Variants in CLYBL observed in about 807,000 individuals in gnomAD.
The protein encoded by CLYBL is citramalyl-CoA lyase.
CLYBL carries 31 observed loss-of-function variants against 38.9 expected under a neutral mutation model. The observed-to-expected ratio is 0.80, with a 90% CI of 0.60 to 1.08. CLYBL has a LOEUF of 1.08. Among genes scored for constraint, CLYBL ranks in the 50% least tolerant of loss-of-function variants. The pLI is 0.00. For missense variants in CLYBL, 434 were observed against 411.6 expected (o/e 1.05, Z -0.47); for synonymous variants, 171 against 158.6 (o/e 1.08, Z -0.59).
At chr13:99,781,878 G>C (rs1266014021) in intron 2 of CLYBL, among the ~76,000 whole-genome samples, 1 of 152,150 alleles carries the variant, frequency 6.6e-6, no homozygotes, top group African/African-American at 2.4e-5. Flanking sequence ...TACTAAGCAC[G>C]CTTAACAATG....
At chr13:99,749,525 T>C (rs1434580844) in intron 1 of CLYBL, among the ~76,000 whole-genome samples, 1 of 152,210 alleles carries the variant, frequency 6.6e-6, no homozygotes, top group Non-Finnish European at 1.5e-5. Flanking sequence ...TCCTGTACCC[T>C]GAGTCCTTCC....
chr13:99,621,256 G>A (rs2046791974), intron 1 of CLYBL, among the ~76,000 whole-genome samples: 1 of 152,082 alleles, frequency 6.6e-6, no homozygotes, highest in African/African-American at 2.4e-5. Flanking sequence ...GCCCCTTAGT[G>A]TGGCATGTAC....
intron 1 of CLYBL, among the ~76,000 whole-genome samples, chr13:99,742,078 C>T (rs1019576116): frequency 2.0e-5 from 3 of 152,174 alleles, no homozygotes; most frequent in African/African-American, 7.2e-5. Flanking sequence ...CAATGAGACC[C>T]TGACATGTTC....
chr13:99,653,829 G>C (rs2047289879), intron 1 of CLYBL, among the ~76,000 whole-genome samples: 1 of 152,124 alleles, frequency 6.6e-6, no homozygotes, highest in Non-Finnish European at 1.5e-5. Flanking sequence ...TGGGTATGAT[G>C]GGCTGGACAT....
chr13:99,766,369 C>A (rs140971544), intron 1 of CLYBL, among the ~76,000 whole-genome samples: 5 of 152,202 alleles, frequency 3.3e-5, no homozygotes, highest in Middle Eastern at 3.4e-3. Flanking sequence ...TGCTTGATTT[C>A]TTTTTATTAT....
chr13:99,683,073 A>ATGTTT (rs1269338511), intron 1 of CLYBL, among the ~76,000 whole-genome samples: 24 of 146,354 alleles, frequency 1.6e-4, no homozygotes, highest in Admixed American at 8.4e-4. Flanking sequence ...ATATATATAT[A>ATGTTT]TGTTTTGTTT....
chr13:99,717,436 GAAAAAAA>G (rs1172721313), intron 1 of CLYBL, among the ~76,000 whole-genome samples: 4 of 91,080 alleles, frequency 4.4e-5, no homozygotes, highest in African/African-American at 7.9e-5. Flanking sequence ...AAAAAAATTA[GAAAAAAA>G]AAAAAAAAAA....
intron 3 of CLYBL, among the ~76,000 whole-genome samples, chr13:99,862,551 G>A (rs1297801601): frequency 1.3e-5 from 2 of 152,328 alleles, no homozygotes; most frequent in African/African-American, 2.4e-5. Flanking sequence ...TGGACTCCAC[G>A]TAGAAGGCTG....
At chr13:99,748,639 C>T (rs1009261227) in intron 1 of CLYBL, among the ~76,000 whole-genome samples, 2 of 150,790 alleles carry the variant, frequency 1.3e-5, no homozygotes, top group African/African-American at 4.9e-5. Context: ...TGGGGTTTCA[C>T]CATGTTGGCC....
intron 3 of CLYBL, among the ~76,000 whole-genome samples, chr13:99,860,068 G>A (rs1243319104): frequency 6.6e-6 from 1 of 152,106 alleles, no homozygotes; most frequent in Non-Finnish European, 1.5e-5. Context: ...GTTGCCCAGT[G>A]CCACGGCCAC....
intron 2 of CLYBL, among the ~76,000 whole-genome samples, chr13:99,790,414 A>G (rs537865450): frequency 1.3e-5 from 2 of 152,062 alleles, no homozygotes; most frequent in Non-Finnish European, 2.9e-5. Flanking sequence ...ATCTCTCAGC[A>G]TTTGCCTGTC....
chr13:99,685,621 G>GTGGATA (rs1434744774), intron 1 of CLYBL, among the ~76,000 whole-genome samples: 1 of 152,134 alleles, frequency 6.6e-6, no homozygotes, highest in Admixed American at 6.5e-5. Flanking sequence ...TTTGTTCCCA[G>GTGGATA]TGGATAAGAG....
At chr13:99,768,439 C>T (rs2049313520) in intron 1 of CLYBL, among the ~76,000 whole-genome samples, 1 of 150,408 alleles carries the variant, frequency 6.6e-6, no homozygotes, top group Non-Finnish European at 1.5e-5. Flanking sequence ...GTGATCTGCC[C>T]ACCTCAGCCT....
At chr13:99,740,150 A>T (rs2048728690) in intron 1 of CLYBL, among the ~76,000 whole-genome samples, 1 of 152,178 alleles carries the variant, frequency 6.6e-6, no homozygotes, top group South Asian at 2.1e-4. Flanking sequence ...AATGCTTCAA[A>T]CTTAAAGAAA....
chr13:99,705,242 T>G (rs188732674), intron 1 of CLYBL, among the ~76,000 whole-genome samples: 1 of 149,896 alleles, frequency 6.7e-6, no homozygotes, highest in Non-Finnish European at 1.5e-5. Flanking sequence ...GGTGTACACA[T>G]GCACACACAC....
intron 1 of CLYBL, among the ~76,000 whole-genome samples, chr13:99,754,520 G>A (rs1050111239): frequency 4.0e-5 from 6 of 150,362 alleles, no homozygotes; most frequent in African/African-American, 9.8e-5. Flanking sequence ...CTCAGTCTCC[G>A]AAATAGCTGG....
At chr13:99,640,627 C>A (rs2047079699) in intron 1 of CLYBL, among the ~76,000 whole-genome samples, 1 of 152,148 alleles carries the variant, frequency 6.6e-6, no homozygotes, top group Non-Finnish European at 1.5e-5. Context: ...CACAGTATAT[C>A]CAAAACATTG....
At chr13:99,828,398 A>G (rs1044220157) in intron 2 of CLYBL, among the ~76,000 whole-genome samples, 1 of 152,228 alleles carries the variant, frequency 6.6e-6, no homozygotes, top group African/African-American at 2.4e-5. Flanking sequence ...AAACAGCTCA[A>G]TTTATCTCAG....
intron 1 of CLYBL, among the ~76,000 whole-genome samples, chr13:99,751,929 AT>A (rs2048966012): frequency 6.6e-6 from 1 of 152,224 alleles, no homozygotes; most frequent in African/African-American, 2.4e-5. Context: ...TCTTAAAATG[AT>A]TCATGGATTA....
Sources: allele counts gnomAD v4.1 joint callset (sites outside exome capture counted in the v4.1 genomes callset), GRCh38; gene constraint gnomAD v4.1.1; transcripts MANE v1.5; gene names NCBI Gene and HGNC (gene_info 2026-07-23, HGNC 2026-07-21).